Variants in DEUP1 observed in about 807,000 individuals in gnomAD.
DEUP1 encodes the protein deuterosome assembly protein 1.
DEUP1 carries 82 observed loss-of-function variants against 87.4 expected under a neutral mutation model. The observed-to-expected ratio is 0.94, with a 90% CI of 0.78 to 1.13. The LOEUF (loss-of-function observed/expected upper bound fraction) is 1.13. Ranked by LOEUF, DEUP1 falls within the 50% of genes most tolerant of loss-of-function variation. DEUP1 has a pLI of 0.00. For missense variants in DEUP1, 663 were observed against 681.5 expected, an observed-to-expected ratio of 0.97 and a Z score of 0.30; for synonymous variants, 214 against 222.7, an observed-to-expected ratio of 0.96 and a Z score of 0.35.
intron 13 of DEUP1, among the ~76,000 whole-genome samples, chr11:93,430,716 T>C (rs1254321348): frequency 6.6e-6 from 1 of 152,168 alleles, no homozygotes; most frequent in Non-Finnish European, 1.5e-5. Context: ...GAACCACTCA[T>C]TTTGAAATGG....
At position 93,394,413 on chromosome 11, in the gene DEUP1, A is replaced by G. The variant is rs756834268; in HGVS notation, c.1042-46A>G. On this transcript the variant is annotated intron_variant, in intron 9 of 13. Coordinates refer to ENST00000298050, the MANE Select transcript of DEUP1 (RefSeq NM_181645.4). ...GGCCAGTAAAATTTTAAGCTACTCT[A>G]TAAATAAAAGGATTCAATAATATTT... 3.5e-6 allele frequency: 5 copies of G among 1,414,328 alleles called. No homozygotes were observed. In the African/African-American group the frequency reaches 7.3e-5, roughly 21 times the overall value. The allele number at this position is 1,414,328 out of a possible 1,614,324, so 87.6% of individuals were successfully genotyped here.
intron 2 of DEUP1, chr11:93,352,241 A>G (rs1944659795): frequency 1.5e-6 from 1 of 650,756 alleles, no homozygotes; most frequent in African/African-American, 1.8e-5. Context: ...CCTCACTACC[A>G]TCATTGAAAT....
At chr11:93,408,603 G>C in intron 12 of DEUP1, 176 bp downstream of exon 12, 1 of 455,198 alleles carries the variant, frequency 2.2e-6, no homozygotes, top group East Asian at 3.6e-5. Flanking sequence ...ATAAGAAATT[G>C]TGTCGATTTG....
chr11:93,388,661 T>G (rs1463496300), intron 8 of DEUP1, among the ~76,000 whole-genome samples: 1 of 152,206 alleles, frequency 6.6e-6, no homozygotes, highest in African/African-American at 2.4e-5. Flanking sequence ...CATTAGCAAG[T>G]TGGGTGTGTT....
intron 2 of DEUP1, among the ~76,000 whole-genome samples, chr11:93,346,262 G>A (rs1348677308): frequency 6.6e-6 from 1 of 152,110 alleles, no homozygotes; most frequent in Non-Finnish European, 1.5e-5. Flanking sequence ...TTGCAGCCCT[G>A]TAGTATAGTT....
chr11:93,348,901 G>A (rs769537801), intron 2 of DEUP1, among the ~76,000 whole-genome samples: 33 of 152,156 alleles, frequency 2.2e-4, no homozygotes, highest in South Asian at 6.2e-4. Context: ...ACATACACAC[G>A]CAGCAGGTAA....
intron 12 of DEUP1, 38 bp from the exon 13 acceptor site, chr11:93,414,962 C>A: frequency 8.5e-7 from 1 of 1,181,594 alleles, no homozygotes; most frequent in Non-Finnish European, 1.2e-6. Flanking sequence ...AACATGTGTC[C>A]TTGATAGCAA....
chr11:93,350,387 A>G (rs1292784185), intron 2 of DEUP1, among the ~76,000 whole-genome samples: 1 of 152,132 alleles, frequency 6.6e-6, no homozygotes, highest in Non-Finnish European at 1.5e-5. Flanking sequence ...TCAGATTAGG[A>G]CCAATGGATG....
intron 3 of DEUP1, 37 bp downstream of exon 3, chr11:93,355,579 C>G: frequency 6.5e-7 from 1 of 1,541,184 alleles, no homozygotes; most frequent in Middle Eastern, 1.7e-4. Context: ...GCTAATTCAT[C>G]AGACTGTTAC....
chr11:93,437,358 A>C, intron 13 of DEUP1, 185 bp from the exon 14 acceptor site: 1 of 534,318 alleles, frequency 1.9e-6, no homozygotes, highest in African/African-American at 1.9e-5. Context: ...TGTCTTACTT[A>C]GTTCCTTGAG....
chr11:93,373,654 T>TATATAC (rs1945886260), intron 7 of DEUP1, among the ~76,000 whole-genome samples: 2 of 142,414 alleles, frequency 1.4e-5, no homozygotes, highest in East Asian at 4.0e-4. Context: ...TATATATACG[T>TATATAC]ATATATATGC....
intron 2 of DEUP1, among the ~76,000 whole-genome samples, chr11:93,347,471 G>A (rs1779958582): frequency 6.6e-6 from 1 of 152,058 alleles, no homozygotes; most frequent in African/African-American, 2.4e-5. Flanking sequence ...ATTAGCCTGA[G>A]GTTTTTCTTT....
rs182114785 is a variant in DEUP1 at position 93,395,518 on chromosome 11, T to C, written c.1240-721T>C. 3.9e-5 allele frequency among the ~76,000 whole-genome samples: 6 copies of C among 152,334 alleles called. No individual in the cohort carries two copies. The East Asian group carries it at 1.2e-3, about 29-fold the overall frequency. On this transcript the variant is annotated intron_variant, in intron 10 of 13. Coordinates refer to ENST00000298050, the MANE Select transcript of DEUP1 (RefSeq NM_181645.4). Reference sequence around the variant, plus strand: ...ATGGGATAATCTCTTTGGTTGTACCTGTATAGGCAGGGATATTTTACAGGT... The same window carrying C: ...ATGGGATAATCTCTTTGGTTGTACCCGTATAGGCAGGGATATTTTACAGGT...
chr11:93,404,900 T>C (rs763837282), intron 11 of DEUP1, among the ~76,000 whole-genome samples: 9 of 151,980 alleles, frequency 5.9e-5, no homozygotes, highest in African/African-American at 9.7e-5. Flanking sequence ...AAGGGTTTTG[T>C]AAAGGAAAAT....
At chr11:93,333,384 C>T (rs1943584705) in intron 2 of DEUP1, among the ~76,000 whole-genome samples, 1 of 152,162 alleles carries the variant, frequency 6.6e-6, no homozygotes, top group African/African-American at 2.4e-5. Context: ...CATAAGTGTG[C>T]TCTGCCATCA....
chr11:93,340,074 C>T (rs1943982309), intron 2 of DEUP1, among the ~76,000 whole-genome samples: 1 of 152,050 alleles, frequency 6.6e-6, no homozygotes, highest in South Asian at 2.1e-4. Context: ...TATGGCTCTG[C>T]GATGGTATCA....
At chr11:93,431,417 G>A (rs940130292) in intron 13 of DEUP1, among the ~76,000 whole-genome samples, 1 of 152,124 alleles carries the variant, frequency 6.6e-6, no homozygotes, top group Non-Finnish European at 1.5e-5. Context: ...TGGAACAAAA[G>A]GGAACAGATA....
intron 11 of DEUP1, among the ~76,000 whole-genome samples, chr11:93,401,146 A>G (rs1293663555): frequency 6.6e-6 from 1 of 152,196 alleles, no homozygotes; most frequent in Non-Finnish European, 1.5e-5. Flanking sequence ...TTTATATGTC[A>G]ATAGTGAATA....
At chr11:93,413,241 ATTTT>A (rs11331603) in intron 12 of DEUP1, among the ~76,000 whole-genome samples, 2 of 118,028 alleles carry the variant, frequency 1.7e-5, no homozygotes, top group Admixed American at 8.9e-5. Flanking sequence ...GTCTTTGATG[ATTTT>A]TTTTTTTTTT....
Sources: allele counts gnomAD v4.1 joint callset (sites outside exome capture counted in the v4.1 genomes callset), GRCh38; gene constraint gnomAD v4.1.1; transcripts MANE v1.5; gene names NCBI Gene and HGNC (gene_info 2026-07-23, HGNC 2026-07-21).